SYDE2: variants seen among roughly 807,000 people sequenced by gnomAD.
SYDE2 encodes synapse defective Rho GTPase homolog 2, also known as rho GTPase-activating protein SYDE2.
Under a neutral mutation model 91.5 loss-of-function variants are expected in SYDE2, and 76 were observed. The observed-to-expected ratio is 0.83, with a 90% CI of 0.69 to 1.01. The LOEUF (loss-of-function observed/expected upper bound fraction) is 1.01, where lower values mean the gene tolerates loss of function less well. SYDE2 is among the 50% of genes least tolerant of loss of function. The probability of loss-of-function intolerance (pLI) is 0.00; values close to 1 mark genes in which losing one functional copy is unlikely to be tolerated. For missense variants in SYDE2, 1,364 were observed against 1,367.7 expected (o/e 1.00, Z 0.04); for synonymous variants, 513 against 506.4 (o/e 1.01, Z -0.18).
At position 85,163,414 on chromosome 1, in the gene SYDE2, G is replaced by A. The variant is rs532810023; in HGVS notation, c.3085+1112C>T. On this transcript the variant is annotated intron_variant, in intron 6 of 6. Transcript: ENST00000341460. ...ACTTAATTTTTAATTCACTTTAAAC[G>A]ATGAAATCAAGCATTCTCTTGTACT... Among the ~76,000 whole-genome samples, 225 of 133,962 alleles carry A rather than the reference G, an allele frequency of 1.7e-3. 1 individual carries two copies. The highest frequency in any genetic ancestry group is 5.5e-3 in the African/African-American group (209 of 37,724). 87.9% of individuals were successfully genotyped at this position (133,962 alleles called of 152,430 possible). A position where few individuals can be genotyped will look rare whatever the true frequency, so the allele number is the denominator to read the frequency against.
chr1:85,163,176 G>A (rs146560952), intron 6 of SYDE2, among the ~76,000 whole-genome samples: 94 of 148,720 alleles, frequency 6.3e-4, no homozygotes, highest in African/African-American at 2.2e-3. Flanking sequence ...CCGCAATCTC[G>A]GCTCACTGCA....
intron 6 of SYDE2, chr1:85,160,230 T>C (rs1210247117): frequency 1.0e-6 from 1 of 970,284 alleles, no homozygotes; most frequent in Non-Finnish European, 1.2e-6. Flanking sequence ...CTCTCCAATA[T>C]ATAATGAATG....
chr1:85,187,177 C>T (rs967543263), intron 2 of SYDE2, among the ~76,000 whole-genome samples: 1 of 152,080 alleles, frequency 6.6e-6, no homozygotes, highest in Admixed American at 6.5e-5. Context: ...AAGAAAAAAA[C>T]AAACAACCCC....
intron 4 of SYDE2, among the ~76,000 whole-genome samples, chr1:85,174,694 A>G (rs954795087): frequency 3.0e-4 from 46 of 151,458 alleles, no homozygotes; most frequent in Admixed American, 1.1e-3. Context: ...GTCATACCCT[A>G]TACATGTTAC....
rs532048883 is a variant in SYDE2, at chr1:85,183,173, C to A, written c.1469G>T (p.Ser490Ile). The A allele has an allele frequency of 3.8e-6, 6 of 1,575,640 alleles. No homozygotes were observed. Among genetic ancestry groups the A allele is most frequent in the Non-Finnish European group, 5.1e-6 (6 of 1,166,276 alleles). The change falls in exon 3 of 7, where the codon AGT becomes ATT. Residue 490 changes from serine (S) to isoleucine (I), a missense_variant. Ser to Ile is a moderately radical substitution (Grantham distance 142). Transcript: ENST00000341460. Reference protein sequence around the residue: ...AGSGILAATNSTELGIMEPSS... With the variant: ...AGSGILAATNITELGIMEPSS... Reference sequence around the variant, plus strand: ...TGGTTCCATAATTCCCAATTCAGTACTATTTGTAGCAGCCAGGATCCCAGA... The same window carrying A: ...TGGTTCCATAATTCCCAATTCAGTAATATTTGTAGCAGCCAGGATCCCAGA...
rs61756695 is a variant in SYDE2 at position 85,190,248 on chromosome 1, C to T, written c.1250G>A (p.Arg417Gln). 41,866 of 1,613,802 alleles carry T rather than the reference C, an allele frequency of 0.026. 1,537 individuals carry two copies. Among genetic ancestry groups the T allele is most frequent in the African/African-American group, 0.18 (13,137 of 74,926 alleles). Reference sequence around the variant, plus strand: ...AGAGCACAGTGAGTCTTCAGTATGCCGCTCTGCTTTCATCAGGTCACTGCC... The same window carrying T: ...AGAGCACAGTGAGTCTTCAGTATGCTGCTCTGCTTTCATCAGGTCACTGCC... The part of the protein sequence containing the change: ...LSGSDLMKAE[R>Q]HTEDSLCSSE... The change falls in exon 2 of 7, where the codon CGG (arginine) becomes CAG (glutamine). Residue 417 changes from arginine (R) to glutamine (Q), a missense_variant. Arg to Gln is a conservative substitution (Grantham distance 43). Coordinates refer to ENST00000341460, the MANE Select transcript of SYDE2 (RefSeq NM_032184.2).
chr1:85,181,987 T>C, intron 3 of SYDE2, 111 bp downstream of exon 3: 2 of 1,147,454 alleles, frequency 1.7e-6, no homozygotes, highest in South Asian at 3.6e-5. Flanking sequence ...AGAATAGGAA[T>C]GGTAAAATAT....
Position 85,172,230 on chromosome 1 carries a change from C to A in SYDE2, c.2672-3005G>T, listed in dbSNP as rs141945791. Among the ~76,000 whole-genome samples the A allele has an allele frequency of 3.7e-3, 561 of 152,268 alleles. 5 individuals carry two copies. Among genetic ancestry groups the A allele is most frequent in the African/African-American group, 0.013 (537 of 41,556 alleles). On this transcript the variant is annotated intron_variant, in intron 4 of 6. Transcript: ENST00000341460. Reference sequence around the variant, plus strand: ...CACAAGAAGTAGAGCAAGTTCCCATCTGATGGCTTCTGTTTTCTCTGTGAA... The same window carrying A: ...CACAAGAAGTAGAGCAAGTTCCCATATGATGGCTTCTGTTTTCTCTGTGAA...
chr1:85,165,621 C>A (rs1657238607), intron 5 of SYDE2, among the ~76,000 whole-genome samples: 1 of 150,414 alleles, frequency 6.6e-6, no homozygotes, highest in Non-Finnish European at 1.5e-5. Context: ...GTAAATAAAC[C>A]TTAAAAAGAA....
chr1:85,182,895 C>A lies in SYDE2; in HGVS notation c.1747G>T (p.Ala583Ser), dbSNP rs994618661. 5 of 1,613,472 alleles carry A rather than the reference C, an allele frequency of 3.1e-6. No homozygotes were observed. Among genetic ancestry groups the A allele is most frequent in the Non-Finnish European group, 4.2e-6 (5 of 1,179,738 alleles). Residue 583 changes from alanine (A) to serine (S), a missense_variant, in exon 3 of 7, where the codon GCT (alanine) becomes TCT (serine). By Grantham distance (99) the Ala-to-Ser change is moderately conservative (BLOSUM62 1). Coordinates refer to ENST00000341460, the MANE Select transcript of SYDE2 (RefSeq NM_032184.2). ...DILPSGNTTT[A>S]AKRNVISRYH... ...CGGCTTATAACATTCCTCTTAGCAG[C>A]GGTGGTTGTGTTCCCAGAGGGCAGA...
chr1:85,174,511 C>A (rs1217154085), intron 4 of SYDE2, among the ~76,000 whole-genome samples: 1 of 152,146 alleles, frequency 6.6e-6, no homozygotes, highest in Admixed American at 6.5e-5. Context: ...AAATGAGAAT[C>A]ATTCTCTCAC....
At chr1:85,170,486 T>C (rs989019744) in intron 4 of SYDE2, among the ~76,000 whole-genome samples, 6 of 152,202 alleles carry the variant, frequency 3.9e-5, no homozygotes, top group Non-Finnish European at 8.8e-5. Flanking sequence ...GTCTCCCTCA[T>C]TGAGAGTTGA....
intron 1 of SYDE2, among the ~76,000 whole-genome samples, chr1:85,197,661 ATTTATTTT>A (rs1027969073): frequency 3.9e-5 from 6 of 152,116 alleles, no homozygotes; most frequent in African/African-American, 1.4e-4. Context: ...TTATTTATTT[ATTTATTTT>A]TTTGAGACGG....
At chr1:85,179,534 T>A (rs983998832) in intron 3 of SYDE2, among the ~76,000 whole-genome samples, 2 of 152,150 alleles carry the variant, frequency 1.3e-5, no homozygotes, top group Non-Finnish European at 2.9e-5. Flanking sequence ...TGCTGCTACA[T>A]TCAAAAGGAT....
At chr1:85,175,547 TA>T (rs559007506) in intron 4 of SYDE2, among the ~76,000 whole-genome samples, 3 of 151,648 alleles carry the variant, frequency 2.0e-5, no homozygotes, top group Admixed American at 1.3e-4. Context: ...GCACTTGATT[TA>T]AAAAAAAACT....
Position 85,167,288 on chromosome 1 carries a change from T to C in SYDE2, c.2853+1756A>G, listed in dbSNP as rs376195682. ...ACATATAAGGGCCTTAAAATGTTCA[T>C]ATTATTTAAATAAGCAATTCCACTT... is the stretch of plus-strand genomic sequence containing the variant. On this transcript the variant is annotated intron_variant, in intron 5 of 6. Transcript: ENST00000341460. 3.3e-5 allele frequency among the ~76,000 whole-genome samples: 5 copies of C among 151,802 alleles called. No individual in the cohort carries two copies. In the East Asian group the frequency reaches 5.8e-4, roughly 18 times the overall value.
chr1:85,170,440 A>G (rs531783964), intron 4 of SYDE2, among the ~76,000 whole-genome samples: 2 of 152,154 alleles, frequency 1.3e-5, no homozygotes, highest in Non-Finnish European at 1.5e-5. Context: ...TTTCTTATGC[A>G]TCCTTCTAAT....
intron 4 of SYDE2, among the ~76,000 whole-genome samples, chr1:85,175,563 C>T (rs981984689): frequency 6.6e-6 from 1 of 152,146 alleles, no homozygotes; most frequent in Non-Finnish European, 1.5e-5. Context: ...AAAACTGGTT[C>T]GTCTGGAGTA....
chr1:85,194,527 T>A (rs1658505611), intron 1 of SYDE2, among the ~76,000 whole-genome samples: 1 of 149,452 alleles, frequency 6.7e-6, no homozygotes, highest in African/African-American at 2.4e-5. Flanking sequence ...ACACACATAT[T>A]GAAAGAAGGT....
Sources: allele counts gnomAD v4.1 joint callset (sites outside exome capture counted in the v4.1 genomes callset), GRCh38; gene constraint gnomAD v4.1.1; transcripts MANE v1.5; gene names NCBI Gene and HGNC (gene_info 2026-07-23, HGNC 2026-07-21).